Variants in LRP1B observed in about 807,000 individuals in gnomAD.
LRP1B encodes the protein LDL receptor related protein 1B, also known as low-density lipoprotein receptor-related protein 1B.
Under a neutral mutation model 556.6 loss-of-function variants are expected in LRP1B, and 217 were observed. The ratio of observed to expected loss-of-function variants is 0.39; its 90% CI spans 0.35 to 0.44. The LOEUF (loss-of-function observed/expected upper bound fraction) is 0.44, where lower values mean the gene tolerates loss of function less well. LRP1B is among the 20% of genes least tolerant of loss of function. LRP1B has a pLI of 1.00. For synonymous variants in LRP1B, 2,047 were observed against 1,865.8 expected (o/e 1.10, Z -2.50); for missense variants, 5,053 against 5,620.8 (o/e 0.90, Z 3.23).
At chr2:140,404,236 G>T (rs1050607404) in intron 66 of LRP1B, among the ~76,000 whole-genome samples, 1 of 141,522 alleles carries the variant, frequency 7.1e-6, no homozygotes, top group East Asian at 2.1e-4. Flanking sequence ...GTGCAGTGGC[G>T]CTATCTCGGC....
At chr2:141,486,499 T>C (rs1224802435) in intron 2 of LRP1B, among the ~76,000 whole-genome samples, 1 of 152,066 alleles carries the variant, frequency 6.6e-6, no homozygotes, top group Non-Finnish European at 1.5e-5. Context: ...GAGAGGGAAA[T>C]TTTTCTTCTA....
intron 41 of LRP1B, among the ~76,000 whole-genome samples, chr2:140,659,131 G>A: frequency 1.4e-5 from 1 of 70,012 alleles, no homozygotes; most frequent in African/African-American, 4.9e-5. Context: ...TTTTTTTAGT[G>A]AACTGAAAAT....
At chr2:142,032,917 C>A (rs1703756069) in intron 1 of LRP1B, among the ~76,000 whole-genome samples, 1 of 151,858 alleles carries the variant, frequency 6.6e-6, no homozygotes, top group Admixed American at 6.6e-5. Flanking sequence ...ACACTATCAG[C>A]ATGTGAATCT....
intron 67 of LRP1B, among the ~76,000 whole-genome samples, chr2:140,382,495 A>G (rs35681677): frequency 0.087 from 13,290 of 152,240 alleles, 688 homozygotes; most frequent in Middle Eastern, 0.14. Flanking sequence ...AATAACTCCA[A>G]TGACAATGAG....
intron 3 of LRP1B, among the ~76,000 whole-genome samples, chr2:141,439,284 T>A (rs35387500): frequency 0.24 from 36,697 of 151,900 alleles, 4,620 homozygotes; most frequent in South Asian, 0.36. Context: ...ACAGTATAAT[T>A]TTTTAATGGT....
intron 7 of LRP1B, among the ~76,000 whole-genome samples, chr2:141,113,802 T>C (rs1158424230): frequency 2.6e-5 from 4 of 152,198 alleles, no homozygotes; most frequent in African/African-American, 9.6e-5. Flanking sequence ...GATAATTATA[T>C]TGTCATTTCT....
intron 7 of LRP1B, among the ~76,000 whole-genome samples, chr2:141,166,619 G>C (rs866909835): frequency 2.0e-5 from 3 of 151,050 alleles, no homozygotes; most frequent in Non-Finnish European, 3.0e-5. Flanking sequence ...TCAAATACTA[G>C]ATCCTATGCA....
At chr2:140,705,798 T>C (rs771397568) in intron 37 of LRP1B, among the ~76,000 whole-genome samples, 1 of 152,140 alleles carries the variant, frequency 6.6e-6, no homozygotes, top group Non-Finnish European at 1.5e-5. Flanking sequence ...GGTATCATTA[T>C]ATGTGAAGCC....
rs1045681859 is a variant in LRP1B at position 140,249,814 on chromosome 2, G to A, written c.13248-2652C>T. ...CTTCCAGTGGTTGATTTAAGACCAGGTATTTTTGTCATCTTTATAGCAATG... is the reference window on the plus strand; with the variant it reads ...CTTCCAGTGGTTGATTTAAGACCAGATATTTTTGTCATCTTTATAGCAATG... On this transcript the variant is annotated intron_variant, in intron 86 of 90. Coordinates refer to ENST00000389484, the MANE Select transcript of LRP1B (RefSeq NM_018557.3). Among the ~76,000 whole-genome samples, 53 of 151,820 alleles carry A rather than the reference G, an allele frequency of 3.5e-4. 1 individual carries two copies. The highest frequency in any genetic ancestry group is 1.2e-3 in the African/African-American group (51 of 41,496).
rs748176626 is a variant in LRP1B at position 141,049,153 on chromosome 2, T to C, written c.1622A>G (p.Asn541Ser). ...RPGIVRGMDL[N>S]TKIADEYMIP... ...CATGTATTCATCAGCTATCTTGGTA[T>C]TCAAGTCCATTCCTCTAACAATTCC... is the stretch of plus-strand genomic sequence containing the variant. Residue 541 changes from asparagine (N) to serine (S), a missense_variant, in exon 11 of 91, where the codon AAT becomes AGT. Physicochemically the swap from Asn to Ser is conservative, Grantham distance 46. Transcript: ENST00000389484. The C allele has an allele frequency of 3.1e-6, 5 of 1,613,622 alleles. No homozygotes were observed. The highest frequency in any genetic ancestry group is 2.2e-5 in the East Asian group (1 of 44,820).
intron 77 of LRP1B, among the ~76,000 whole-genome samples, chr2:140,337,055 A>G (rs1406746523): frequency 2.6e-5 from 4 of 151,846 alleles, no homozygotes; most frequent in Non-Finnish European, 4.4e-5. Flanking sequence ...AGGAACCAAT[A>G]TTATCAATCA....
chr2:141,729,589 A>T (rs945631635), intron 2 of LRP1B, among the ~76,000 whole-genome samples: 1 of 152,192 alleles, frequency 6.6e-6, no homozygotes, highest in Non-Finnish European at 1.5e-5. Flanking sequence ...AGTCTGATGG[A>T]CAAGACGGTT....
intron 1 of LRP1B, among the ~76,000 whole-genome samples, chr2:142,099,418 A>G (rs1395172847): frequency 1.3e-5 from 2 of 151,948 alleles, no homozygotes; most frequent in African/African-American, 4.8e-5. Flanking sequence ...AGATATTATC[A>G]TTACAATATT....
rs1491580631 is a variant in LRP1B, at chr2:141,329,644, A to AC, written c.344-75004_344-75003insG. On this transcript the variant is annotated intron_variant, in intron 3 of 90. Coordinates refer to ENST00000389484, the MANE Select transcript of LRP1B (RefSeq NM_018557.3). The stretch of plus-strand genomic sequence containing the variant: ...GGGTGACAGAGCGAGACTCTGTCTC[A>AC]AAAAAAAAAAAAAAAAAAAAACTAT... 5.4e-5 allele frequency among the ~76,000 whole-genome samples: 6 copies of AC among 110,714 alleles called. 1 individual carries two copies. Among genetic ancestry groups the AC allele is most frequent in the African/African-American group, 2.2e-4 (6 of 27,432 alleles). 72.6% of individuals were successfully genotyped at this position (110,714 alleles called of 152,430 possible). A position where few individuals can be genotyped will look rare whatever the true frequency, so the allele number is the denominator to read the frequency against.
intron 1 of LRP1B, among the ~76,000 whole-genome samples, chr2:141,873,089 G>T (rs1228243154): frequency 1.3e-5 from 2 of 151,970 alleles, no homozygotes; most frequent in African/African-American, 2.4e-5. Context: ...AAGCAAAGGT[G>T]GGGACAAATG....
rs114030142 is a variant in LRP1B at position 140,423,712 on chromosome 2, T to C, written c.10414+18792A>G. On this transcript the variant is annotated intron_variant, in intron 66 of 90. Coordinates refer to ENST00000389484, the MANE Select transcript of LRP1B (RefSeq NM_018557.3). ...TTCCTTAAATAGCTTGTGTAACACA[T>C]AGAGCTAGAGCTTGAGGAATGTATC... Among the ~76,000 whole-genome samples the C allele has an allele frequency of 2.4e-3, 372 of 152,240 alleles. 1 individual carries two copies. The highest frequency in any genetic ancestry group is 8.3e-3 in the African/African-American group (344 of 41,554).
rs952991973 is a variant in LRP1B, at chr2:141,819,414, T to C, written c.83-9013A>G. On this transcript the variant is annotated intron_variant, in intron 1 of 90. Coordinates refer to ENST00000389484, the MANE Select transcript of LRP1B (RefSeq NM_018557.3). Reference sequence around the variant, plus strand: ...TTCTAGAGGGCAAGGGGTTCTGTCTTAAGACTTCACGTTTGCAATAACGTA... The same window carrying C: ...TTCTAGAGGGCAAGGGGTTCTGTCTCAAGACTTCACGTTTGCAATAACGTA... Among the ~76,000 whole-genome samples the C allele has an allele frequency of 3.3e-5, 5 of 152,218 alleles. No homozygotes were observed. The East Asian group carries it at 9.6e-4, about 29-fold the overall frequency.
At chr2:140,954,800 A>AT (rs573101605) in intron 18 of LRP1B, among the ~76,000 whole-genome samples, 2 of 152,014 alleles carry the variant, frequency 1.3e-5, no homozygotes, top group Admixed American at 6.6e-5. Flanking sequence ...TATGTGATTA[A>AT]TTTTTTAATG....
chr2:141,225,314 A>G (rs1403406774), intron 6 of LRP1B, among the ~76,000 whole-genome samples: 1 of 152,162 alleles, frequency 6.6e-6, no homozygotes, highest in Non-Finnish European at 1.5e-5. Context: ...AAAGACAATG[A>G]AAGTGTTTAC....
Sources: allele counts gnomAD v4.1 joint callset (sites outside exome capture counted in the v4.1 genomes callset), GRCh38; gene constraint gnomAD v4.1.1; transcripts MANE v1.5; gene names NCBI Gene and HGNC (gene_info 2026-07-23, HGNC 2026-07-21).